Variants in MACF1 observed in about 807,000 individuals in gnomAD.
MACF1 encodes microtubule actin crosslinking factor 1.
A neutral mutation model predicts 854.8 loss-of-function variants in MACF1; 193 were observed. That is an observed-to-expected ratio of 0.23 (90% confidence interval 0.20 to 0.25). The LOEUF (loss-of-function observed/expected upper bound fraction) is 0.25. Ranked by LOEUF, MACF1 falls within the 10% of genes least tolerant of loss-of-function variation. The probability of loss-of-function intolerance (pLI) is 1.00; values close to 1 mark genes in which losing one functional copy is unlikely to be tolerated. For missense variants in MACF1, 7,722 were observed against 8,929.1 expected, an observed-to-expected ratio of 0.86 and a Z score of 5.45; for synonymous variants, 3,185 against 3,226.7, an observed-to-expected ratio of 0.99 and a Z score of 0.44.
At chr1:39,221,544 T>C (rs1644652018) in intron 1 of MACF1, among the ~76,000 whole-genome samples, 1 of 152,208 alleles carries the variant, frequency 6.6e-6, no homozygotes, top group Admixed American at 6.5e-5. Context: ...CGGTAACCTC[T>C]TTCTGTTTTC....
At chr1:39,438,616 A>G (rs1306515005) in intron 71 of MACF1, among the ~76,000 whole-genome samples, 1 of 149,388 alleles carries the variant, frequency 6.7e-6, no homozygotes, top group Non-Finnish European at 1.5e-5. Context: ...GAAATTTTGT[A>G]AAAATACAAG....
intron 71 of MACF1, among the ~76,000 whole-genome samples, chr1:39,439,017 A>G (rs533586808): frequency 3.9e-4 from 59 of 151,138 alleles, no homozygotes; most frequent in African/African-American, 1.4e-3. Context: ...TGGGAGGCAG[A>G]GGTTGCAGTG....
intron 100 of MACF1, 31 bp downstream of exon 100, chr1:39,484,761 G>A (rs770618585): frequency 1.9e-6 from 3 of 1,614,032 alleles, no homozygotes; most frequent in South Asian, 2.2e-5. Flanking sequence ...CTACAAGCCA[G>A]GCTGAGAATT....
intron 40 of MACF1, among the ~76,000 whole-genome samples, chr1:39,341,397 A>G (rs1355688107): frequency 6.6e-6 from 1 of 151,444 alleles, no homozygotes; most frequent in Admixed American, 6.6e-5. Flanking sequence ...GTTTAGGTTT[A>G]TAATTATCAT....
At chr1:39,369,910 T>C in intron 50 of MACF1, 120 bp from the exon 51 acceptor site, 1 of 880,408 alleles carries the variant, frequency 1.1e-6, no homozygotes, top group Admixed American at 2.6e-5. Flanking sequence ...TGGAAAAGAT[T>C]ATGAGAAAGA....
chr1:39,137,432 A>G (rs1472925981), intron 2 of MACF1, among the ~76,000 whole-genome samples: 1 of 152,212 alleles, frequency 6.6e-6, no homozygotes, highest in Non-Finnish European at 1.5e-5. Flanking sequence ...CAGTGGCACA[A>G]TCATAGCTCA....
chr1:39,315,586 A>G lies in MACF1; in HGVS notation c.3344A>G (p.His1115Arg), dbSNP rs145184556. Residue 1115 changes from histidine to arginine, a missense_variant, in exon 27 of 101, where the codon CAT (histidine) becomes CGT (arginine). This residue lies in a region of MACF1 where 1,137 missense variants were observed against 1,263.0 expected (regional missense o/e 0.90). Coordinates refer to ENST00000564288, the MANE Select transcript of MACF1 (RefSeq NM_001394062.1). ...AVSMKCDSFL[H>R]QSPSSSSVPT... ...TCTATGAAATGTGACAGCTTTCTCC[A>G]TCAGTCTCCATCTAGTTCAAGTGTC... The G allele has an allele frequency of 1.2e-6, 2 of 1,614,102 alleles. No individual in the cohort carries two copies. The highest frequency in any genetic ancestry group is 1.7e-6 in the Non-Finnish European group (2 of 1,179,996).
Position 39,324,796 on chromosome 1 carries a change from A to G in MACF1, c.4478+62A>G, listed in dbSNP as rs1646578859. The G allele has an allele frequency of 2.4e-6, 3 of 1,262,050 alleles. No homozygotes were observed. The South Asian group carries it at 3.7e-5, about 16-fold the overall frequency. The allele number at this position is 1,262,050 out of a possible 1,614,324, so 78.2% of individuals were successfully genotyped here. A position where few individuals can be genotyped will look rare whatever the true frequency, so the allele number is the denominator to read the frequency against. ...CACCTGGTCTATCAGTCTAAAACTTACAGCCATAATGAGATTTCAGAATGG... is the reference window on the plus strand; with the variant it reads ...CACCTGGTCTATCAGTCTAAAACTTGCAGCCATAATGAGATTTCAGAATGG... On this transcript the variant is annotated intron_variant, in intron 35 of 100. Coordinates refer to ENST00000564288, the MANE Select transcript of MACF1 (RefSeq NM_001394062.1).
chr1:39,469,534 T>C lies in MACF1; in HGVS notation c.21890-13T>C. ...CTGTCTGTTTCTTTCTGTTTACGTATTTTTTATTCTAGTTCACCATCCTGG... is the reference window on the plus strand; with the variant it reads ...CTGTCTGTTTCTTTCTGTTTACGTACTTTTTATTCTAGTTCACCATCCTGG... On this transcript the variant is annotated splice_polypyrimidine_tract_variant and intron_variant, in intron 96 of 100. Transcript: ENST00000564288. The C allele has an allele frequency of 1.3e-6, 2 of 1,543,560 alleles. No individual in the cohort carries two copies. The highest frequency in any genetic ancestry group is 1.8e-6 in the Non-Finnish European group (2 of 1,140,612).
At chr1:39,477,308 T>G (rs1224818160) in intron 97 of MACF1, among the ~76,000 whole-genome samples, 1 of 151,882 alleles carries the variant, frequency 6.6e-6, no homozygotes, top group African/African-American at 2.4e-5. Flanking sequence ...CACTGCAGCC[T>G]TGACTTCCCA....
At position 39,283,579 on chromosome 1, in the gene MACF1, A is replaced by G. The variant is rs774188061; in HGVS notation, c.915+64A>G. 1 of 1,179,712 alleles carries G rather than the reference A, an allele frequency of 8.5e-7. No homozygotes were observed. Among genetic ancestry groups the G allele is most frequent in the South Asian group, 1.2e-5 (1 of 80,394 alleles). The allele number at this position is 1,179,712 out of a possible 1,614,324, so 73.1% of individuals were successfully genotyped here. ...TTCATTTGGGTGAAATGCATTGGTTAGACACTTTCTTAAGCACTTATGGTA... is the reference window on the plus strand; with the variant it reads ...TTCATTTGGGTGAAATGCATTGGTTGGACACTTTCTTAAGCACTTATGGTA... On this transcript the variant is annotated intron_variant, in intron 9 of 100. Coordinates refer to ENST00000564288, the MANE Select transcript of MACF1 (RefSeq NM_001394062.1). The surrounding 1 kb of genome is among the most constrained non-coding windows in gnomAD (Gnocchi z 4.5).
At chr1:39,289,893 G>T (rs1218453131) in intron 15 of MACF1, among the ~76,000 whole-genome samples, 1 of 151,364 alleles carries the variant, frequency 6.6e-6, no homozygotes, top group African/African-American at 2.4e-5. Flanking sequence ...TAGAGATGGG[G>T]TTCACCACAT....
At chr1:39,099,056 A>G (rs1642003002) in intron 2 of MACF1, among the ~76,000 whole-genome samples, 1 of 152,242 alleles carries the variant, frequency 6.6e-6, no homozygotes, top group African/African-American at 2.4e-5. Flanking sequence ...GGCATCAGCT[A>G]CTATTGGGGA....
At chr1:39,360,042 T>G (rs1227191287) in intron 47 of MACF1, among the ~76,000 whole-genome samples, 1 of 59,314 alleles carries the variant, frequency 1.7e-5, no homozygotes, top group African/African-American at 7.0e-5. Context: ...TATATATATA[T>G]ATATATATAT....
intron 44 of MACF1, among the ~76,000 whole-genome samples, chr1:39,355,746 G>T (rs1364384112): frequency 6.6e-6 from 1 of 152,134 alleles, no homozygotes; most frequent in Non-Finnish European, 1.5e-5. Flanking sequence ...TTATAGGCGT[G>T]AGCCACTGCG....
intron 58 of MACF1, among the ~76,000 whole-genome samples, chr1:39,403,840 GC>G (rs67565123): frequency 0.35 from 50,440 of 143,694 alleles, 9,225 homozygotes; most frequent in African/African-American, 0.57. Flanking sequence ...AAATTTTTGG[GC>G]GGGGGGGCCG....
In MACF1 at chr1:39,333,121, T is replaced by C. The variant is rs745628236; in HGVS notation, c.6533T>C (p.Leu2178Pro). The change falls in exon 37 of 101, where the codon CTT (leucine) becomes CCT (proline). Residue 2178 changes from leucine to proline, a missense_variant. Physicochemically the swap from Leu to Pro is moderately conservative, Grantham distance 98. Transcript: ENST00000564288. ...FTCQNEQAHT[L>P]ETEYIHDETG... ...TGTCAGAATGAACAAGCACACACTC[T>C]TGAGACTGAATATATTCATGATGAA... 10 of 1,614,100 alleles carry C rather than the reference T, an allele frequency of 6.2e-6. No individual in the cohort carries two copies. The highest frequency in any genetic ancestry group is 1.6e-4 in the Middle Eastern group (1 of 6,062).
At chr1:39,457,057 C>G (rs1394813039) in intron 89 of MACF1, 1 of 152,226 alleles carries the variant, frequency 6.6e-6, no homozygotes, top group Non-Finnish European at 1.5e-5. Context: ...ATTCTTGATG[C>G]TCTCCTCACT....
At chr1:39,180,486 CATG>C (rs1469474465) in intron 2 of MACF1, among the ~76,000 whole-genome samples, 1 of 152,048 alleles carries the variant, frequency 6.6e-6, no homozygotes, top group Admixed American at 6.5e-5. Flanking sequence ...CGTGGTGGCT[CATG>C]CCTGTAATTC....
Sources: allele counts gnomAD v4.1 joint callset (sites outside exome capture counted in the v4.1 genomes callset), GRCh38; gene constraint gnomAD v4.1.1; regional missense constraint gnomAD v4.1.1; non-coding constraint Gnocchi (gnomAD v3.1); transcripts MANE v1.5; gene names NCBI Gene and HGNC (gene_info 2026-07-23, HGNC 2026-07-21).